The following ANKRD11 variants were observed in gnomAD, a reference collection of about 807,000 sequenced individuals.
The protein encoded by ANKRD11 is ankyrin repeat domain 11, also known as ankyrin repeat domain-containing protein 11.
ANKRD11 carries 17 observed loss-of-function variants against 195.7 expected under a neutral mutation model. The ratio of observed to expected loss-of-function variants is 0.09; its 90% CI spans 0.06 to 0.13. The LOEUF (loss-of-function observed/expected upper bound fraction) is 0.13. Among genes scored for constraint, ANKRD11 ranks in the 10% least tolerant of loss-of-function variants. The probability of loss-of-function intolerance (pLI) is 1.00; values close to 1 mark genes in which losing one functional copy is unlikely to be tolerated. For missense variants in ANKRD11, 3,735 were observed against 3,566.1 expected, an observed-to-expected ratio of 1.05 and a Z score of -1.21; for synonymous variants, 1,953 against 1,528.1, an observed-to-expected ratio of 1.28 and a Z score of -6.49.
chr16:89,352,443 A>G (rs2039266369), intron 2 of ANKRD11, among the ~76,000 whole-genome samples: 1 of 151,650 alleles, frequency 6.6e-6, no homozygotes, highest in South Asian at 2.1e-4. Flanking sequence ...GCAGGAGGGC[A>G]CTTGCTGATG....
At chr16:89,402,303 G>A (rs1365525630) in intron 2 of ANKRD11, among the ~76,000 whole-genome samples, 3 of 152,214 alleles carry the variant, frequency 2.0e-5, no homozygotes, top group East Asian at 1.9e-4. Context: ...TTGTCTCAGC[G>A]ATACTAATGT....
intron 2 of ANKRD11, among the ~76,000 whole-genome samples, chr16:89,334,403 C>T (rs1355503357): frequency 6.6e-6 from 1 of 152,080 alleles, no homozygotes; most frequent in East Asian, 1.9e-4. Flanking sequence ...GTGGGTCCAG[C>T]TCTTCTTACC....
intron 1 of ANKRD11, among the ~76,000 whole-genome samples, chr16:89,487,669 G>T (rs1162919768): frequency 1.3e-5 from 2 of 152,158 alleles, no homozygotes; most frequent in Non-Finnish European, 2.9e-5. Context: ...AGCTACTCGG[G>T]AGGCTGAGGC....
At position 89,285,338 on chromosome 16, in the gene ANKRD11, C is replaced by T. The variant is rs1348846198; in HGVS notation, c.1204G>A (p.Ala402Thr). Residue 402 changes from alanine to threonine, a missense_variant, in exon 9 of 13, where the codon GCG becomes ACG. Coordinates refer to ENST00000301030, the MANE Select transcript of ANKRD11 (RefSeq NM_013275.6). The surrounding 1 kb of genome is among the most constrained non-coding windows in gnomAD (Gnocchi z 5.6). ...GTGTCTGACAGGATACGATGGGACG[C>T]TTTCTTTGGTGCAATCGTGTTATTT... is the stretch of plus-strand genomic sequence containing the variant. ...TKNNTIAPKK[A>T]SHRILSDTSD... The T allele has an allele frequency of 1.2e-6, 2 of 1,613,934 alleles. No individual in the cohort carries two copies. The highest frequency in any genetic ancestry group is 1.7e-6 in the Non-Finnish European group (2 of 1,180,056).
Position 89,356,780 on chromosome 16 carries a change from CAAAAAAAA to C in ANKRD11, c.-59-39710_-59-39703del, listed in dbSNP as rs58470031. Among the ~76,000 whole-genome samples the C allele has an allele frequency of 3.8e-5, 4 of 103,988 alleles. No homozygotes were observed. The Admixed American group carries it at 4.3e-4, about 11-fold the overall frequency. 68.2% of individuals were successfully genotyped at this position (103,988 alleles called of 152,430 possible). A position where few individuals can be genotyped will look rare whatever the true frequency, so the allele number is the denominator to read the frequency against. On this transcript the variant is annotated intron_variant, in intron 2 of 12. Coordinates refer to ENST00000301030, the MANE Select transcript of ANKRD11 (RefSeq NM_013275.6). ...TGGGCGACACAGCAAGACTCCGTCT[CAAAAAAAA>C]AAAAAAAGAAAAAAGAAAAAAAAAG...
chr16:89,316,456 G>A (rs1258760604), intron 3 of ANKRD11, among the ~76,000 whole-genome samples: 1 of 152,126 alleles, frequency 6.6e-6, no homozygotes, highest in Non-Finnish European at 1.5e-5. Flanking sequence ...ACACTGCAAG[G>A]CAGGAAGTCT....
intron 1 of ANKRD11, among the ~76,000 whole-genome samples, chr16:89,451,411 C>CCTT (rs369396805): frequency 1.5e-5 from 2 of 130,198 alleles, no homozygotes; most frequent in African/African-American, 5.8e-5. Flanking sequence ...TCACAAATTA[C>CCTT]TTTTTTTTTT....
intron 9 of ANKRD11, among the ~76,000 whole-genome samples, chr16:89,276,618 G>A (rs2033676249): frequency 6.6e-6 from 1 of 152,252 alleles, no homozygotes. Flanking sequence ...GGGCACGGGA[G>A]GGCCTGCCAC....
Position 89,290,839 on chromosome 16 carries a change from AG to A in ANKRD11, c.398-12del. On this transcript the variant is annotated splice_polypyrimidine_tract_variant and intron_variant, in intron 5 of 12. Coordinates refer to ENST00000301030, the MANE Select transcript of ANKRD11 (RefSeq NM_013275.6). Reference sequence around the variant, plus strand: ...TTGGTGTTGTGTCCACTGCAGGCCAAGGAGGGGACAGATGGGCATTACTGTG... The same window carrying A: ...TTGGTGTTGTGTCCACTGCAGGCCAAGAGGGGACAGATGGGCATTACTGTG... 1 of 1,613,128 alleles carries A rather than the reference AG, an allele frequency of 6.2e-7. No homozygotes were observed.
chr16:89,294,605 G>A (rs927930523), intron 4 of ANKRD11, among the ~76,000 whole-genome samples: 8 of 152,126 alleles, frequency 5.3e-5, no homozygotes, highest in Admixed American at 3.3e-4. Flanking sequence ...CCCACGGAGC[G>A]AGACCCCCAT....
At chr16:89,412,857 C>A (rs1277406852) in intron 2 of ANKRD11, among the ~76,000 whole-genome samples, 1 of 152,170 alleles carries the variant, frequency 6.6e-6, no homozygotes, top group African/African-American at 2.4e-5. Flanking sequence ...AGTCCCCCAG[C>A]AGGACCTCTC....
rs577856540 is a variant in ANKRD11 at position 89,428,825 on chromosome 16, C to T, written c.-144-10457G>A. Among the ~76,000 whole-genome samples, 22 of 152,236 alleles carry T rather than the reference C, an allele frequency of 1.4e-4. No homozygotes were observed. In the East Asian group the frequency reaches 3.5e-3, roughly 24 times the overall value. Reference sequence around the variant, plus strand: ...AGGAGAATCACTTGAACCCAGGAGGCGGAGCTTGCAGTAAGCCAAGATCGT... The same window carrying T: ...AGGAGAATCACTTGAACCCAGGAGGTGGAGCTTGCAGTAAGCCAAGATCGT... On this transcript the variant is annotated intron_variant, in intron 1 of 12. Transcript: ENST00000301030.
Position 89,284,537 on chromosome 16 carries a change from C to T in ANKRD11, c.2005G>A (p.Asp669Asn). Residue 669 changes from aspartate to asparagine, a missense_variant, in exon 9 of 13, where the codon GAT (aspartate) becomes AAT (asparagine). Transcript: ENST00000301030. Reference protein sequence around the residue: ...YEYEDSKQKSDKAILLENDLS... With the variant: ...YEYEDSKQKSNKAILLENDLS... ...TCATTCTCTAACAGTATAGCCTTAT[C>T]TGACTTCTGCTTGGAGTCCTCATAT... 3.7e-6 allele frequency: 6 copies of T among 1,614,128 alleles called. No homozygotes were observed. Among genetic ancestry groups the T allele is most frequent in the Admixed American group, 1.7e-5 (1 of 60,024 alleles).
chr16:89,438,563 C>T (rs185581740), intron 1 of ANKRD11, among the ~76,000 whole-genome samples: 1 of 152,206 alleles, frequency 6.6e-6, no homozygotes, highest in Admixed American at 6.5e-5. Flanking sequence ...GAACTTATGA[C>T]TTCAGGTGAT....
intron 2 of ANKRD11, among the ~76,000 whole-genome samples, chr16:89,384,874 G>GTTTTCTTTTTT (rs2040830569): frequency 2.7e-5 from 2 of 72,752 alleles, no homozygotes; most frequent in African/African-American, 1.1e-4. Flanking sequence ...ATGAGAAATA[G>GTTTTCTTTTTT]TTTTCTTTTT....
At position 89,463,784 on chromosome 16, in the gene ANKRD11, C is replaced by T. The variant is rs1014147556; in HGVS notation, c.-145+26461G>A. On this transcript the variant is annotated intron_variant, in intron 1 of 12. Transcript: ENST00000301030. ...GTTCACATTTAATTCAAAATTAATT[C>T]CCTACGTTACCACACAAGCAATAGA... 2.9e-4 allele frequency among the ~76,000 whole-genome samples: 43 copies of T among 146,692 alleles called. 1 individual carries two copies. The highest frequency in any genetic ancestry group is 1.0e-3 in the African/African-American group (40 of 39,754).
chr16:89,389,821 C>T (rs2041094527), intron 2 of ANKRD11, among the ~76,000 whole-genome samples: 1 of 140,394 alleles, frequency 7.1e-6, no homozygotes, highest in African/African-American at 2.7e-5. Context: ...GAGAAGATCA[C>T]TAGGGCAAAC....
At chr16:89,276,394 C>T (rs2033653316) in intron 9 of ANKRD11, among the ~76,000 whole-genome samples, 1 of 152,006 alleles carries the variant, frequency 6.6e-6, no homozygotes, top group Non-Finnish European at 1.5e-5. Flanking sequence ...ACGTCTCTTC[C>T]AAGACACACA....
At chr16:89,434,492 C>T (rs865865758) in intron 1 of ANKRD11, among the ~76,000 whole-genome samples, 10 of 152,214 alleles carry the variant, frequency 6.6e-5, no homozygotes, top group East Asian at 1.9e-4. Context: ...AGCAGCACCG[C>T]GCAGTCCTGT....
Sources: gnomAD v4.1 joint callset for allele counts (sites outside exome capture counted in the v4.1 genomes callset) on GRCh38, gnomAD v4.1.1 for gene constraint, Gnocchi (gnomAD v3.1) non-coding constraint, MANE v1.5 for transcripts, NCBI Gene and HGNC (gene_info 2026-07-23, HGNC 2026-07-21) for gene names.